BCR: variants seen among roughly 807,000 people sequenced by gnomAD.
The protein encoded by BCR is BCR activator of RhoGEF and GTPase, also known as breakpoint cluster region protein.
A neutral mutation model predicts 138.6 loss-of-function variants in BCR; 58 were observed. The observed-to-expected ratio is 0.42, with a 90% confidence interval of 0.34 to 0.52. The LOEUF is 0.52. Ranked by LOEUF, BCR falls within the 20% of genes least tolerant of loss-of-function variation. The probability of loss-of-function intolerance (pLI) is 0.06; values close to 1 mark genes in which losing one functional copy is unlikely to be tolerated. For missense variants in BCR, 1,599 were observed against 1,727.2 expected (o/e 0.93, Z 1.32); for synonymous variants, 786 against 730.1 (o/e 1.08, Z -1.23).
intron 8 of BCR, among the ~76,000 whole-genome samples, chr22:23,282,150 C>T (rs952399218): frequency 1.3e-5 from 2 of 152,254 alleles, no homozygotes; most frequent in Non-Finnish European, 2.9e-5. Flanking sequence ...CTACTGCAGT[C>T]CTTCCCGAAG....
At chr22:23,221,436 G>C (rs1308640801) in intron 1 of BCR, among the ~76,000 whole-genome samples, 1 of 152,208 alleles carries the variant, frequency 6.6e-6, no homozygotes, top group Non-Finnish European at 1.5e-5. Context: ...TGGTCTTCCT[G>C]TCTTCCCATG....
In BCR at chr22:23,292,536, C is replaced by T; in HGVS notation, c.2783-5C>T. The T allele has an allele frequency of 6.2e-7, 1 of 1,610,530 alleles. No homozygotes were observed. Among genetic ancestry groups the T allele is most frequent in the Non-Finnish European group, 8.5e-7 (1 of 1,177,334 alleles). On this transcript the variant is annotated splice_polypyrimidine_tract_variant and splice_region_variant and intron_variant, in intron 14 of 22. Transcript: ENST00000305877. ...GACCTTCTCCATGTCCACTTCTCCCCACAGATCTGTACTGCACCCTGGAGG... is the reference window on the plus strand; with the variant it reads ...GACCTTCTCCATGTCCACTTCTCCCTACAGATCTGTACTGCACCCTGGAGG...
intron 16 of BCR, among the ~76,000 whole-genome samples, chr22:23,307,948 G>A (rs983513380): frequency 3.0e-5 from 4 of 134,770 alleles, no homozygotes; most frequent in Admixed American, 7.9e-5. Context: ...GGCTGTAGCC[G>A]CTAGGGTCCC....
chr22:23,271,740 G>A, intron 6 of BCR, 148 bp downstream of exon 6: 3 of 744,200 alleles, frequency 4.0e-6, no homozygotes, highest in Non-Finnish European at 6.7e-6. Flanking sequence ...GTGGGCACGA[G>A]GAAAGAACAG....
At position 23,287,183 on chromosome 22, in the gene BCR, A is replaced by G; in HGVS notation, c.2431A>G (p.Thr811Ala). The change falls in exon 11 of 23, where the codon ACG becomes GCG. Residue 811 changes from threonine (T) to alanine (A), a missense_variant. Physicochemically the swap from Thr to Ala is moderately conservative, Grantham distance 58. This residue lies in a region of BCR where 590 missense variants were observed against 762.4 expected (regional missense o/e 0.77). Transcript: ENST00000305877. ...EKRANKGSKA[T>A]ERLKKKLSEQ... is the part of the protein sequence containing the mutation. ...GAGGGCGAACAAGGGCAGCAAGGCT[A>G]CGGAGAGGCTGAAGAAGAAGCTGTC... The G allele has an allele frequency of 1.3e-6, 2 of 1,577,008 alleles. No homozygotes were observed. The highest frequency in any genetic ancestry group is 1.7e-6 in the Non-Finnish European group (2 of 1,160,578).
chr22:23,315,638 G>C lies in BCR; in HGVS notation c.*116G>C. ...TCCTTGGGCCACCCCCAAGTGTTGG[G>C]CCATCTGCCAAGAGACAGCGACCCA... On this transcript the variant is annotated 3_prime_UTR_variant, in exon 23 of 23. Coordinates refer to ENST00000305877, the MANE Select transcript of BCR (RefSeq NM_004327.4). 14 of 978,532 alleles carry C rather than the reference G, an allele frequency of 1.4e-5. No individual in the cohort carries two copies. Among genetic ancestry groups the C allele is most frequent in the Non-Finnish European group, 2.1e-5 (13 of 625,474 alleles). The allele number at this position is 978,532 out of a possible 1,614,324, so 60.6% of individuals were successfully genotyped here.
At chr22:23,243,852 A>G (rs1021386955) in intron 1 of BCR, among the ~76,000 whole-genome samples, 1 of 152,064 alleles carries the variant, frequency 6.6e-6, no homozygotes, top group Admixed American at 6.5e-5. Flanking sequence ...CATATTGGCC[A>G]GACTGGTCTT....
chr22:23,263,271 C>G (rs903667461), intron 4 of BCR: 1 of 1,114,248 alleles, frequency 9.0e-7, no homozygotes, highest in Non-Finnish European at 1.3e-6. Flanking sequence ...CATGCGGGCC[C>G]TCGGCCGCCT....
At chr22:23,314,389 G>A (rs2074043501) in intron 21 of BCR, among the ~76,000 whole-genome samples, 163 bp from the exon 22 acceptor site, 1 of 152,176 alleles carries the variant, frequency 6.6e-6, no homozygotes, top group Non-Finnish European at 1.5e-5. Flanking sequence ...CTGGCTCCTT[G>A]TCCTGGGCCA....
chr22:23,230,495 C>A (rs888106935), intron 1 of BCR, among the ~76,000 whole-genome samples: 1 of 152,252 alleles, frequency 6.6e-6, no homozygotes, highest in African/African-American at 2.4e-5. Flanking sequence ...CTGATACACA[C>A]ACTGCGGATG....
intron 1 of BCR, among the ~76,000 whole-genome samples, chr22:23,237,771 A>G (rs1052327528): frequency 1.3e-5 from 2 of 152,204 alleles, no homozygotes; most frequent in Non-Finnish European, 2.9e-5. Flanking sequence ...GACGGACCAG[A>G]TTGCCATGCT....
At position 23,213,850 on chromosome 22, in the gene BCR, A is replaced by G. The variant is rs546996175; in HGVS notation, c.1279+31611A>G. Among the ~76,000 whole-genome samples the G allele has an allele frequency of 8.1e-5, 11 of 135,330 alleles. No individual in the cohort carries two copies. The South Asian group carries it at 1.9e-3, about 23-fold the overall frequency. 88.8% of individuals were successfully genotyped at this position (135,330 alleles called of 152,430 possible). ...CCCTGTCTCTTAAAAAAAAAAAAAAAGAAGAAGAAGGAGGAGGAAGACAGT... is the reference window on the plus strand; with the variant it reads ...CCCTGTCTCTTAAAAAAAAAAAAAAGGAAGAAGAAGGAGGAGGAAGACAGT... On this transcript the variant is annotated intron_variant, in intron 1 of 22. Transcript: ENST00000305877.
intron 2 of BCR, among the ~76,000 whole-genome samples, chr22:23,256,862 T>A (rs2073300597): frequency 6.6e-6 from 1 of 152,180 alleles, no homozygotes; most frequent in African/African-American, 2.4e-5. Context: ...GCCCAGTTTG[T>A]TTTGTGGGTT....
intron 1 of BCR, chr22:23,198,285 T>C (rs766404930): frequency 8.9e-6 from 4 of 449,680 alleles, no homozygotes; most frequent in South Asian, 1.6e-5. Context: ...GTCGGCCTGC[T>C]CTGTTCCGGG....
chr22:23,233,998 T>C (rs2072991995), intron 1 of BCR, among the ~76,000 whole-genome samples: 1 of 151,732 alleles, frequency 6.6e-6, no homozygotes, highest in Non-Finnish European at 1.5e-5. Context: ...GACTCAGAAA[T>C]GAGCTCAGCC....
At chr22:23,206,433 C>T (rs972369331) in intron 1 of BCR, among the ~76,000 whole-genome samples, 11 of 152,012 alleles carry the variant, frequency 7.2e-5, no homozygotes, top group African/African-American at 1.9e-4. Context: ...AAAAAGTAGC[C>T]GGGCGTGGTG....
rs144153786 is a variant in BCR at position 23,276,407 on chromosome 22, GA to G, written c.2115+2648del. Among the ~76,000 whole-genome samples, 727 of 125,260 alleles carry G rather than the reference GA, an allele frequency of 5.8e-3. 4 individuals are homozygous for G. Among genetic ancestry groups the G allele is most frequent in the Middle Eastern group, 0.023 (6 of 266 alleles). 82.2% of individuals were successfully genotyped at this position (125,260 alleles called of 152,430 possible). On this transcript the variant is annotated intron_variant, in intron 8 of 22. Coordinates refer to ENST00000305877, the MANE Select transcript of BCR (RefSeq NM_004327.4). Reference sequence around the variant, plus strand: ...GAGCGAGATTCTGTCTCAAAAAAAAGAAAAAAAAAAAAAAAGGGCTGGTTGC... The same window carrying G: ...GAGCGAGATTCTGTCTCAAAAAAAAGAAAAAAAAAAAAAAGGGCTGGTTGC...
chr22:23,210,461 G>C (rs1346471854), intron 1 of BCR, among the ~76,000 whole-genome samples: 1 of 151,956 alleles, frequency 6.6e-6, no homozygotes, highest in African/African-American at 2.4e-5. Context: ...AAGATGTCAT[G>C]ATGTCATTTG....
At position 23,310,313 on chromosome 22, in the gene BCR, C is replaced by T. The variant is rs941940240; in HGVS notation, c.3073-11C>T. 32 of 1,283,780 alleles carry T rather than the reference C, an allele frequency of 2.5e-5. 3 individuals are homozygous for T. In the African/African-American group the frequency reaches 4.8e-4, roughly 19 times the overall value. 79.5% of individuals were successfully genotyped at this position (1,283,780 alleles called of 1,614,324 possible). ...AGGATTAGAGGACTGTGCCCCTTCT[C>T]CCTACTGTAGATCGAAGTAAAGCTC... On this transcript the variant is annotated splice_polypyrimidine_tract_variant and intron_variant, in intron 17 of 22. Coordinates refer to ENST00000305877, the MANE Select transcript of BCR (RefSeq NM_004327.4).
Sources: gnomAD v4.1 joint callset for allele counts (sites outside exome capture counted in the v4.1 genomes callset) on GRCh38, gnomAD v4.1.1 for gene constraint, gnomAD v4.1.1 regional missense constraint, MANE v1.5 for transcripts, NCBI Gene and HGNC (gene_info 2026-07-23, HGNC 2026-07-21) for gene names.